The following PLEKHM2 variants were observed in gnomAD, a reference collection of about 807,000 sequenced individuals.
The protein encoded by PLEKHM2 is pleckstrin homology domain-containing family M member 2.
PLEKHM2 carries 77 observed loss-of-function variants against 116.3 expected under a neutral mutation model. The ratio of observed to expected loss-of-function variants is 0.66; its 90% CI spans 0.55 to 0.80. PLEKHM2 has a LOEUF of 0.80. Among genes scored for constraint, PLEKHM2 ranks in the 30% least tolerant of loss-of-function variants. The pLI, the probability that PLEKHM2 is intolerant of heterozygous loss-of-function variation, is 0.00. For missense variants in PLEKHM2, 1,183 were observed against 1,354.9 expected (o/e 0.87, Z 1.99); for synonymous variants, 562 against 571.0 (o/e 0.98, Z 0.22).
chr1:15,716,766 C>A lies in PLEKHM2; in HGVS notation c.227C>A (p.Ala76Asp). 2 of 1,578,998 alleles carry A rather than the reference C, an allele frequency of 1.3e-6. No homozygotes were observed. Among genetic ancestry groups the A allele is most frequent in the South Asian group, 1.2e-5 (1 of 86,014 alleles). The change falls in exon 3 of 20, where the codon GCC (alanine) becomes GAC (aspartate). Residue 76 changes from alanine to aspartate, a missense_variant. Physicochemically the swap from Ala to Asp is moderately radical, Grantham distance 126 (BLOSUM62 -2). This residue lies in a region of PLEKHM2 where 217 missense variants were observed against 277.6 expected (regional missense o/e 0.78). Coordinates refer to ENST00000375799, the MANE Select transcript of PLEKHM2 (RefSeq NM_015164.4). ...VLVVHFTRRE[A>D]IKQIEVLQHV... ...GTGGTGCATTTTACTCGGAGAGAGGCCATCAAGCAGATCGAGGTGCTGCAG... is the reference window on the plus strand; with the variant it reads ...GTGGTGCATTTTACTCGGAGAGAGGACATCAAGCAGATCGAGGTGCTGCAG...
At chr1:15,716,125 A>G in intron 1 of PLEKHM2, 112 bp from the exon 2 acceptor site, 1 of 664,564 alleles carries the variant, frequency 1.5e-6, no homozygotes, top group Non-Finnish European at 2.6e-6. Flanking sequence ...TCTGCTGGTC[A>G]TTGTGGATAC....
intron 1 of PLEKHM2, among the ~76,000 whole-genome samples, chr1:15,694,582 G>T (rs564731787): frequency 6.6e-6 from 1 of 152,128 alleles, no homozygotes; most frequent in South Asian, 2.1e-4. Flanking sequence ...ATTTGAGGCA[G>T]GTGAATAAGG....
Position 15,719,823 on chromosome 1 carries a change from G to A in PLEKHM2, c.555G>A (p.Ser185=), listed in dbSNP as rs1269980051. Residue 185 remains serine, a synonymous_variant, in exon 6 of 20, where the codon TCG becomes TCA. Coordinates refer to ENST00000375799, the MANE Select transcript of PLEKHM2 (RefSeq NM_015164.4). The surrounding 1 kb of genome is among the most constrained non-coding windows in gnomAD (Gnocchi z 4.1). ...ACTTTGAAGACCGCCTTCCCAGCTC[G>A]GTCCACGGCTCAGACAGTCTGTCCC... The part of the protein sequence containing the change: ...LLDFEDRLPS[S]VHGSDSLSLN... 5.0e-6 allele frequency: 8 copies of A among 1,613,628 alleles called. No homozygotes were observed. The highest frequency in any genetic ancestry group is 1.3e-5 in the African/African-American group (1 of 74,868).
At chr1:15,724,519 C>A (rs991846893) in intron 7 of PLEKHM2, among the ~76,000 whole-genome samples, 1 of 151,998 alleles carries the variant, frequency 6.6e-6, no homozygotes, top group Non-Finnish European at 1.5e-5. Flanking sequence ...GTTCTCAGCA[C>A]CACCCTTGCA....
Position 15,728,419 on chromosome 1 carries a change from C to T in PLEKHM2, c.1921+62C>T. Reference sequence around the variant, plus strand: ...CGAGGCTGACTCTCAGCCCCTTTTCCCCAGTCCCCTTGCCCTCTGAGTGCC... The same window carrying T: ...CGAGGCTGACTCTCAGCCCCTTTTCTCCAGTCCCCTTGCCCTCTGAGTGCC... On this transcript the variant is annotated intron_variant, in intron 11 of 19. Transcript: ENST00000375799. The surrounding 1 kb of genome is among the most constrained non-coding windows in gnomAD (Gnocchi z 5.9). 2.1e-6 allele frequency: 3 copies of T among 1,462,056 alleles called. No homozygotes were observed. The highest frequency in any genetic ancestry group is 1.9e-6 in the Non-Finnish European group (2 of 1,058,910). 90.6% of individuals were successfully genotyped at this position (1,462,056 alleles called of 1,614,324 possible).
Position 15,732,068 on chromosome 1 carries a change from A to G in PLEKHM2, c.2625+20A>G, listed in dbSNP as rs2068152219. On this transcript the variant is annotated intron_variant, in intron 17 of 19. Coordinates refer to ENST00000375799, the MANE Select transcript of PLEKHM2 (RefSeq NM_015164.4). ...AAAGGGGTGAGCTTCGCCTGCCCCT[A>G]CCGCTCACCTGGCTTGCCTGACCCA... 4.4e-6 allele frequency: 7 copies of G among 1,604,126 alleles called. No homozygotes were observed. In the East Asian group the frequency reaches 1.6e-4, roughly 36 times the overall value.
At chr1:15,702,875 C>T (rs762944759) in intron 1 of PLEKHM2, among the ~76,000 whole-genome samples, 1 of 151,940 alleles carries the variant, frequency 6.6e-6, no homozygotes, top group African/African-American at 2.4e-5. Flanking sequence ...TATGCACCAC[C>T]ACGCCCAGCT....
At position 15,732,601 on chromosome 1, in the gene PLEKHM2, G is replaced by C; in HGVS notation, c.2806-11G>C. The C allele has an allele frequency of 1.3e-6, 2 of 1,597,526 alleles. No homozygotes were observed. The highest frequency in any genetic ancestry group is 1.7e-6 in the Non-Finnish European group (2 of 1,172,188). On this transcript the variant is annotated splice_polypyrimidine_tract_variant and intron_variant, in intron 18 of 19. Transcript: ENST00000375799. The stretch of plus-strand genomic sequence containing the variant: ...CTCTGGCTGCTCACCCGGGGGCCTG[G>C]CTCTCCCTAGGAGTTCTCCCAGGAC...
chr1:15,702,097 C>T (rs575712085), intron 1 of PLEKHM2, among the ~76,000 whole-genome samples: 4 of 152,328 alleles, frequency 2.6e-5, no homozygotes. Flanking sequence ...CCCTGGGGAT[C>T]TGCCTTGTAA....
intron 1 of PLEKHM2, among the ~76,000 whole-genome samples, chr1:15,693,069 C>G (rs1054422749): frequency 1.5e-5 from 2 of 131,690 alleles, no homozygotes; most frequent in African/African-American, 5.8e-5. Context: ...GAGACAAAGT[C>G]TCTCTCCGTT....
rs2067961007 is a variant in PLEKHM2, at chr1:15,719,632, C to T, written c.466-102C>T. 1 of 730,274 alleles carries T rather than the reference C, an allele frequency of 1.4e-6. No individual in the cohort carries two copies. Among genetic ancestry groups the T allele is most frequent in the Admixed American group, 2.5e-5 (1 of 40,362 alleles). The allele number at this position is 730,274 out of a possible 1,614,324, so 45.2% of individuals were successfully genotyped here. On this transcript the variant is annotated intron_variant, in intron 5 of 19. Transcript: ENST00000375799. This position sits in a 1 kb window ranked among gnomAD's most constrained non-coding sequence, Gnocchi z 4.1. ...TTACTACCTTAAGCCATTGATTTCC[C>T]AAAGAGGCACATCTGTGTCTCCCAG...
intron 15 of PLEKHM2, 140 bp downstream of exon 15, chr1:15,730,862 T>C (rs2068133139): frequency 1.4e-6 from 1 of 714,622 alleles, no homozygotes; most frequent in South Asian, 1.9e-5. Context: ...TACCAGAGCT[T>C]GGAGTTGACT....
Position 15,729,532 on chromosome 1 carries a change from C to T in PLEKHM2, c.2076-265C>T, listed in dbSNP as rs117736576. Among the ~76,000 whole-genome samples, 142 of 152,326 alleles carry T rather than the reference C, an allele frequency of 9.3e-4. 2 individuals carry two copies. The East Asian group carries it at 0.024, about 26-fold the overall frequency. On this transcript the variant is annotated intron_variant, in intron 13 of 19. Coordinates refer to ENST00000375799, the MANE Select transcript of PLEKHM2 (RefSeq NM_015164.4). The surrounding 1 kb of genome is among the most constrained non-coding windows in gnomAD (Gnocchi z 4.7). ...GGCTCAAGGTCCCACCCGTTGACGT[C>T]CTGCCCACCCTCTTTGTCTGTCTTC...
At chr1:15,699,913 G>A (rs1282704865) in intron 1 of PLEKHM2, among the ~76,000 whole-genome samples, 1 of 151,740 alleles carries the variant, frequency 6.6e-6, no homozygotes, top group Non-Finnish European at 1.5e-5. Flanking sequence ...CCAGGAGTTC[G>A]AGACTGTAGT....
chr1:15,684,830 G>A (rs531938338), intron 1 of PLEKHM2, among the ~76,000 whole-genome samples: 4 of 152,080 alleles, frequency 2.6e-5, no homozygotes, highest in South Asian at 2.1e-4. Context: ...CAAAGTTGAG[G>A]TCAGCATCCT....
chr1:15,716,645 C>T (rs556547743), intron 2 of PLEKHM2, 62 bp from the exon 3 acceptor site: 63 of 1,530,880 alleles, frequency 4.1e-5, no homozygotes, highest in East Asian at 3.2e-4. Context: ...CTGGACCAGC[C>T]GACTGCAGCT....
At chr1:15,732,210 A>G in intron 17 of PLEKHM2, 140 bp from the exon 18 acceptor site, 4 of 924,982 alleles carry the variant, frequency 4.3e-6, no homozygotes, top group Non-Finnish European at 6.5e-6. Flanking sequence ...CATCACCCCC[A>G]TCCCCGCCTC....
chr1:15,731,229 G>A lies in PLEKHM2; in HGVS notation c.2437G>A (p.Val813Ile), dbSNP rs373111686. Residue 813 changes from valine to isoleucine, a missense_variant, in exon 16 of 20, where the codon GTC (valine) becomes ATC (isoleucine). By Grantham distance (29) the Val-to-Ile change is conservative. This residue lies in a region of PLEKHM2 where 594 missense variants were observed against 720.1 expected (regional missense o/e 0.82). Coordinates refer to ENST00000375799, the MANE Select transcript of PLEKHM2 (RefSeq NM_015164.4). ...ILYQYPDRTDVIPLLSVNMGG... is the reference protein window; with the variant it reads ...ILYQYPDRTDIIPLLSVNMGG... The stretch of plus-strand genomic sequence containing the variant: ...CTACCAGTACCCGGACCGCACCGAC[G>A]TCATCCCTCTGCTCTCGGTGAACAT... 30 of 1,598,110 alleles carry A rather than the reference G, an allele frequency of 1.9e-5. No individual in the cohort carries two copies. The highest frequency in any genetic ancestry group is 6.8e-5 in the East Asian group (3 of 44,184).
upstream of PLEKHM2, chr1:15,681,714 A>G (rs1640648062): frequency 7.4e-6 from 3 of 407,070 alleles, no homozygotes; most frequent in African/African-American, 4.1e-5. Context: ...GTAGGAGGCT[A>G]TTTCTACTCA....
Sources: gnomAD v4.1 joint callset for allele counts (sites outside exome capture counted in the v4.1 genomes callset) on GRCh38, gnomAD v4.1.1 for gene constraint, gnomAD v4.1.1 regional missense constraint, Gnocchi (gnomAD v3.1) non-coding constraint, MANE v1.5 for transcripts, NCBI Gene and HGNC (gene_info 2026-07-23, HGNC 2026-07-21) for gene names.